Variants in ALDH1A3 observed in about 807,000 individuals in gnomAD.
The protein encoded by ALDH1A3 is aldehyde dehydrogenase 1 family member A3.
A neutral mutation model predicts 57.5 loss-of-function variants in ALDH1A3; 28 were observed. The observed-to-expected ratio is 0.49, with a 90% CI of 0.36 to 0.67. The LOEUF (loss-of-function observed/expected upper bound fraction) is 0.67, where lower values mean the gene tolerates loss of function less well. Among genes scored for constraint, ALDH1A3 ranks in the 30% least tolerant of loss-of-function variants. The pLI, the probability that ALDH1A3 is intolerant of heterozygous loss-of-function variation, is 0.00. For missense variants in ALDH1A3, 507 were observed against 669.4 expected (o/e 0.76, Z 2.68); for synonymous variants, 281 against 264.8 (o/e 1.06, Z -0.59).
Position 100,914,744 on chromosome 15 carries a change from A to T in ALDH1A3, c.1510A>T (p.Thr504Ser), listed in dbSNP as rs2041913579. 1 of 1,614,126 alleles carries T rather than the reference A, an allele frequency of 6.2e-7. No homozygotes were observed. The highest frequency in any genetic ancestry group is 8.5e-7 in the Non-Finnish European group (1 of 1,180,022). Reference sequence around the variant, plus strand: ...CGAATACACAGAAGTGAAAACTGTCACCATCAAACTTGGCGACAAGAACCC... The same window carrying T: ...CGAATACACAGAAGTGAAAACTGTCTCCATCAAACTTGGCGACAAGAACCC... ...LAEYTEVKTV[T>S]IKLGDKNP The change falls in exon 13 of 13, where the codon ACC (threonine) becomes TCC (serine). Residue 504 changes from threonine (T) to serine (S), a missense_variant. Thr to Ser is a moderately conservative substitution (Grantham distance 58). Transcript: ENST00000329841.
At position 100,885,276 on chromosome 15, in the gene ALDH1A3, A is replaced by G; in HGVS notation, c.109A>G (p.Asn37Asp). The part of the protein sequence containing the change: ...LEVKFTKIFI[N>D]NEWHESKSGK... ...TTCCTTTCCTGGTTAGATATTTATCAACAATGAATGGCACGAATCCAAGAG... is the reference window on the plus strand; with the variant it reads ...TTCCTTTCCTGGTTAGATATTTATCGACAATGAATGGCACGAATCCAAGAG... Residue 37 changes from asparagine to aspartate, a missense_variant, in exon 2 of 13, where the codon AAC (asparagine) becomes GAC (aspartate). Coordinates refer to ENST00000329841, the MANE Select transcript of ALDH1A3 (RefSeq NM_000693.4). 1 of 1,612,092 alleles carries G rather than the reference A, an allele frequency of 6.2e-7. No individual in the cohort carries two copies. Among genetic ancestry groups the G allele is most frequent in the Non-Finnish European group, 8.5e-7 (1 of 1,178,122 alleles).
In ALDH1A3 at chr15:100,908,366, T is replaced by A. The variant is rs4646686; in HGVS notation, c.1392-42T>A. Reference sequence around the variant, plus strand: ...GGCTGCAGTGCCAGGAGCCAGGGGGTCTTCTCCAGATGACTCTGAGCTTTC... The same window carrying A: ...GGCTGCAGTGCCAGGAGCCAGGGGGACTTCTCCAGATGACTCTGAGCTTTC... On this transcript the variant is annotated intron_variant, in intron 11 of 12. Transcript: ENST00000329841. 272,469 of 1,556,214 alleles carry A rather than the reference T, an allele frequency of 0.18. 27,915 individuals carry two copies. The highest frequency in any genetic ancestry group is 0.51 in the East Asian group (22,565 of 44,446).
chr15:100,896,268 A>T (rs1308504959), intron 7 of ALDH1A3, among the ~76,000 whole-genome samples: 1 of 152,250 alleles, frequency 6.6e-6, no homozygotes, highest in Non-Finnish European at 1.5e-5. Context: ...GAGAGATAAG[A>T]TAAAGTAGAA....
intron 8 of ALDH1A3, among the ~76,000 whole-genome samples, chr15:100,899,514 G>C (rs1596128907): frequency 6.6e-6 from 1 of 152,194 alleles, no homozygotes; most frequent in East Asian, 1.9e-4. Flanking sequence ...GGCGGTGCCA[G>C]TCCACAAATT....
At chr15:100,892,319 A>C (rs1261833847) in intron 3 of ALDH1A3, 191 bp from the exon 4 acceptor site, 2 of 698,868 alleles carry the variant, frequency 2.9e-6, no homozygotes, top group Non-Finnish European at 4.5e-6. Flanking sequence ...AAATAAAAGC[A>C]ATCCTCACAC....
chr15:100,880,069 G>A, intron 1 of ALDH1A3, 63 bp downstream of exon 1: 2 of 1,223,494 alleles, frequency 1.6e-6, no homozygotes, highest in South Asian at 2.4e-5. Context: ...CCAGACTCGG[G>A]GCGGCGGGGG....
chr15:100,890,655 G>A (rs552963131), intron 3 of ALDH1A3, among the ~76,000 whole-genome samples: 51 of 152,316 alleles, frequency 3.3e-4, no homozygotes, highest in Middle Eastern at 6.8e-3. Flanking sequence ...ACCTGTCCTA[G>A]GTCACCCAGC....
At chr15:100,899,372 A>T (rs1318490592) in intron 8 of ALDH1A3, among the ~76,000 whole-genome samples, 2 of 152,208 alleles carry the variant, frequency 1.3e-5, no homozygotes, top group Non-Finnish European at 2.9e-5. Flanking sequence ...CGCCACCTGC[A>T]CTGAAGTTCA....
chr15:100,880,593 G>T (rs1451469641), intron 1 of ALDH1A3: 1 of 180,730 alleles, frequency 5.5e-6, no homozygotes, highest in Non-Finnish European at 1.1e-5. Context: ...GAAGGTGCTC[G>T]CTTACTGACG....
intron 9 of ALDH1A3, among the ~76,000 whole-genome samples, chr15:100,901,634 C>T (rs958502578): frequency 6.6e-6 from 1 of 152,228 alleles, no homozygotes; most frequent in Non-Finnish European, 1.5e-5. Context: ...GTTTCCTCAT[C>T]TGGAGAGTGG....
At chr15:100,895,669 C>G (rs2041694996) in intron 6 of ALDH1A3, 2 of 527,690 alleles carry the variant, frequency 3.8e-6, no homozygotes, top group African/African-American at 1.9e-5. Context: ...CACTGCATAT[C>G]ACTTTGGGAT....
chr15:100,886,249 C>T (rs1206393594), intron 2 of ALDH1A3, among the ~76,000 whole-genome samples: 2 of 152,190 alleles, frequency 1.3e-5, no homozygotes, highest in Non-Finnish European at 2.9e-5. Context: ...CAGTTAGGCT[C>T]TGCTAACAAA....
intron 12 of ALDH1A3, among the ~76,000 whole-genome samples, chr15:100,911,945 T>C (rs2041886649): frequency 6.6e-6 from 1 of 152,266 alleles, no homozygotes; most frequent in African/African-American, 2.4e-5. Flanking sequence ...AATGCAACAT[T>C]GTATTCTCAC....
chr15:100,885,140 A>AG, intron 1 of ALDH1A3, 127 bp from the exon 2 acceptor site: 1 of 675,310 alleles, frequency 1.5e-6, no homozygotes, highest in South Asian at 1.7e-5. Context: ...AAGATGTCGA[A>AG]GGGGAGAGGG....
chr15:100,890,777 G>T (rs914293012), intron 3 of ALDH1A3, among the ~76,000 whole-genome samples: 2 of 152,218 alleles, frequency 1.3e-5, no homozygotes, highest in African/African-American at 4.8e-5. Flanking sequence ...AAAGAGCAAA[G>T]AATAAACTTG....
chr15:100,901,502 C>T (rs1010655538), intron 9 of ALDH1A3, among the ~76,000 whole-genome samples: 5 of 152,146 alleles, frequency 3.3e-5, no homozygotes, highest in Admixed American at 2.0e-4. Flanking sequence ...GTGTCTATCC[C>T]GGGAGGCTGC....
chr15:100,892,893 C>T (rs2041664163), intron 4 of ALDH1A3, 52 bp from the exon 5 acceptor site: 1 of 1,581,308 alleles, frequency 6.3e-7, no homozygotes, highest in Non-Finnish European at 8.6e-7. Context: ...CTTGAAGTTC[C>T]TAACCTGGAC....
rs2041824175 is a variant in ALDH1A3, at chr15:100,906,576, C to T, written c.1234-545C>T. 6.6e-6 allele frequency among the ~76,000 whole-genome samples: 1 copy of T among 152,228 alleles called. No individual in the cohort carries two copies. The highest frequency in any genetic ancestry group is 2.1e-4 in the South Asian group (1 of 4,826). ...ATCAATTACAAGCTCCCTTCAAAAT[C>T]ACCTTTAAATGTTCAAGCCTTAGTT... On this transcript the variant is annotated intron_variant, in intron 10 of 12. Coordinates refer to ENST00000329841, the MANE Select transcript of ALDH1A3 (RefSeq NM_000693.4). The surrounding 1 kb of genome is among the most constrained non-coding windows in gnomAD (Gnocchi z 4.8).
chr15:100,895,578 T>TCACA (rs562897618), intron 6 of ALDH1A3: 4 of 276,482 alleles, frequency 1.4e-5, no homozygotes, highest in African/African-American at 8.5e-5. Context: ...ACACTCTCCC[T>TCACA]CACACACACA....
Sources: allele counts gnomAD v4.1 joint callset (sites outside exome capture counted in the v4.1 genomes callset), GRCh38; gene constraint gnomAD v4.1.1; non-coding constraint Gnocchi (gnomAD v3.1); transcripts MANE v1.5; gene names NCBI Gene and HGNC (gene_info 2026-07-23, HGNC 2026-07-21).